The following TAAR5 variants were observed in gnomAD, a reference collection of about 807,000 sequenced individuals.
TAAR5 encodes the protein trace amine-associated receptor 5.
Under a neutral mutation model 21.1 loss-of-function variants are expected in TAAR5, and 27 were observed. That is an observed-to-expected ratio of 1.28 (90% CI 0.94 to 1.76). The LOEUF (loss-of-function observed/expected upper bound fraction) is 1.76. Ranked by LOEUF, TAAR5 falls within the 40% of genes most tolerant of loss-of-function variation. TAAR5 has a pLI of 0.00. For synonymous variants in TAAR5, 203 were observed against 167.5 expected (o/e 1.21, Z -1.64); for missense variants, 495 against 405.6 (o/e 1.22, Z -1.89).
chr6:132,597,954 A>C, the TAAR5 span, among the ~76,000 whole-genome samples: 3 of 152,186 alleles, frequency 2.0e-5, no homozygotes, highest in Non-Finnish European at 4.4e-5. Context: ...TTTTTTCTCC[A>C]GTACTAGAAC....
At chr6:132,616,339 C>T in the TAAR5 span, among the ~76,000 whole-genome samples, 1 of 152,028 alleles carries the variant, frequency 6.6e-6, no homozygotes, top group East Asian at 1.9e-4. Context: ...AAATATCAAG[C>T]AAAAAGGAAT....
At chr6:132,600,873 GAGGGAAGGAGGGAAGA>G in the TAAR5 span, among the ~76,000 whole-genome samples, 2 of 93,006 alleles carry the variant, frequency 2.2e-5, no homozygotes, top group East Asian at 3.4e-4. Flanking sequence ...AGGAAGGAGA[GAGGGAAGGAGGGAAGA>G]AGGGAAGGAG....
Position 132,589,617 on chromosome 6 carries a change from A to G in TAAR5, c.70T>C (p.Cys24Arg). 1 of 1,613,842 alleles carries G rather than the reference A, an allele frequency of 6.2e-7. No homozygotes were observed. Among genetic ancestry groups the G allele is most frequent in the South Asian group, 1.1e-5 (1 of 91,054 alleles). The change falls in exon 1 of 1, where the codon TGC becomes CGC. Residue 24 changes from cysteine to arginine, a missense_variant. Physicochemically the swap from Cys to Arg is radical, Grantham distance 180. Coordinates refer to ENST00000258034, the MANE Select transcript of TAAR5 (RefSeq NM_003967.3). The stretch of plus-strand genomic sequence containing the variant: ...CCCAGAGTATGTACTGTCCTGGGGC[A>G]AGACCCATTCACCTGGTAGCAGAAT... Reference protein sequence around the residue: ...AAFCYQVNGSCPRTVHTLGIQ... With the variant: ...AAFCYQVNGSRPRTVHTLGIQ...
the TAAR5 span, chr6:132,609,184 C>G: frequency 1.1e-4 from 40 of 361,786 alleles, no homozygotes; most frequent in Admixed American, 1.9e-4. Context: ...ACATTATCAC[C>G]TGGACATGAA....
At chr6:132,601,538 T>A in the TAAR5 span, among the ~76,000 whole-genome samples, 60 of 152,316 alleles carry the variant, frequency 3.9e-4, 1 homozygote, top group East Asian at 0.01. Context: ...TAAAATACAT[T>A]TCAAAAAATC....
Position 132,589,333 on chromosome 6 carries a change from G to C in TAAR5, c.354C>G (p.Cys118Trp), listed in dbSNP as rs760079747. The change falls in exon 1 of 1, where the codon TGC (cysteine) becomes TGG (tryptophan). Residue 118 changes from cysteine (C) to tryptophan (W), a missense_variant. Coordinates refer to ENST00000258034, the MANE Select transcript of TAAR5 (RefSeq NM_003967.3). Reference protein sequence around the residue: ...RLHTYLDTLFCLTSIFHLCFI... With the variant: ...RLHTYLDTLFWLTSIFHLCFI... Reference sequence around the variant, plus strand: ...AACAGAGATGGAAGATGGAGGTGAGGCAGAAGAGGGTGTCCAGGTAGGTGT... The same window carrying C: ...AACAGAGATGGAAGATGGAGGTGAGCCAGAAGAGGGTGTCCAGGTAGGTGT... 1.9e-6 allele frequency: 3 copies of C among 1,614,038 alleles called. No homozygotes were observed. The highest frequency in any genetic ancestry group is 1.6e-4 in the Middle Eastern group (1 of 6,062).
the TAAR5 span, among the ~76,000 whole-genome samples, chr6:132,599,129 T>A: frequency 1.3e-5 from 2 of 152,110 alleles, no homozygotes; most frequent in Non-Finnish European, 2.9e-5. Flanking sequence ...TCAACACAAT[T>A]GGATGAAAAG....
the TAAR5 span, among the ~76,000 whole-genome samples, chr6:132,610,220 C>T: frequency 0.067 from 10,177 of 152,170 alleles, 590 homozygotes; most frequent in African/African-American, 0.15. Context: ...CTTCGGAATA[C>T]ACATCAATCT....
At chr6:132,599,559 C>A in the TAAR5 span, among the ~76,000 whole-genome samples, 11 of 152,076 alleles carry the variant, frequency 7.2e-5, no homozygotes, top group East Asian at 1.7e-3. Context: ...GAACTCCTAA[C>A]CTCAGGTGAT....
chr6:132,589,101 G>C lies in TAAR5; in HGVS notation c.586C>G (p.Leu196Val). The change falls in exon 1 of 1, where the codon CTC (leucine) becomes GTC (valine). Residue 196 changes from leucine (L) to valine (V), a missense_variant. Coordinates refer to ENST00000258034, the MANE Select transcript of TAAR5 (RefSeq NM_003967.3). ...TTTAACCAGCCCCAAAATTTATTGA[G>C]CAGCAGCTGGCAACTGCCCACACAA... The part of the protein sequence containing the change: ...MPCVGSCQLL[L>V]NKFWGWLNFP... 2 of 1,613,922 alleles carry C rather than the reference G, an allele frequency of 1.2e-6. No homozygotes were observed. Among genetic ancestry groups the C allele is most frequent in the Middle Eastern group, 1.7e-4 (1 of 6,060 alleles).
upstream of TAAR5, among the ~76,000 whole-genome samples, chr6:132,593,138 T>C (rs1011934976): frequency 5.9e-5 from 9 of 152,202 alleles, no homozygotes; most frequent in Non-Finnish European, 1.5e-5. Flanking sequence ...ATAGAGGCTC[T>C]GGTTCCCTTA....
At chr6:132,600,106 AG>A in the TAAR5 span, among the ~76,000 whole-genome samples, 1 of 152,170 alleles carries the variant, frequency 6.6e-6, no homozygotes, top group Non-Finnish European at 1.5e-5. Context: ...AGCACAGAAC[AG>A]GGGCCCCTCA....
At chr6:132,611,457 A>G in the TAAR5 span, among the ~76,000 whole-genome samples, 3 of 152,214 alleles carry the variant, frequency 2.0e-5, no homozygotes, top group African/African-American at 4.8e-5. Context: ...CTAATGCAAA[A>G]AAATAATAAA....
upstream of TAAR5, among the ~76,000 whole-genome samples, chr6:132,590,422 C>T (rs190280288): frequency 6.6e-6 from 1 of 152,298 alleles, no homozygotes; most frequent in Admixed American, 6.5e-5. Flanking sequence ...ATCTATTTAA[C>T]ATCTTAATGT....
the TAAR5 span, among the ~76,000 whole-genome samples, chr6:132,602,099 T>C: frequency 6.6e-6 from 1 of 152,170 alleles, no homozygotes; most frequent in Non-Finnish European, 1.5e-5. Context: ...TTTAACTTAA[T>C]TTAATTAAAA....
chr6:132,612,355 C>A, the TAAR5 span, among the ~76,000 whole-genome samples: 2 of 152,080 alleles, frequency 1.3e-5, no homozygotes, highest in African/African-American at 4.8e-5. Context: ...TCAATGAAAG[C>A]AACTAATTCA....
chr6:132,606,637 G>T, the TAAR5 span, among the ~76,000 whole-genome samples: 16 of 152,100 alleles, frequency 1.1e-4, no homozygotes, highest in African/African-American at 3.6e-4. Context: ...TATCAATTAC[G>T]CATTTATTAG....
the TAAR5 span, among the ~76,000 whole-genome samples, chr6:132,616,425 T>C: frequency 2.6e-5 from 4 of 152,154 alleles, no homozygotes; most frequent in Non-Finnish European, 5.9e-5. Context: ...CAATACAAAA[T>C]GTGGATGAGC....
chr6:132,590,070 CTT>C (rs1273528343), upstream of TAAR5, among the ~76,000 whole-genome samples: 1 of 152,130 alleles, frequency 6.6e-6, no homozygotes, highest in African/African-American at 2.4e-5. Flanking sequence ...GAGAATGTCT[CTT>C]ACGTTTTGAT....
Sources: gnomAD v4.1 joint callset for allele counts (sites outside exome capture counted in the v4.1 genomes callset) on GRCh38, gnomAD v4.1.1 for gene constraint, MANE v1.5 for transcripts, NCBI Gene and HGNC (gene_info 2026-07-23, HGNC 2026-07-21) for gene names.